The following PCDHGB3 variants were observed in gnomAD, a reference collection of about 807,000 sequenced individuals.
The protein encoded by PCDHGB3 is protocadherin gamma-B3.
Under a neutral mutation model 59.2 loss-of-function variants are expected in PCDHGB3, and 40 were observed. That is an observed-to-expected ratio of 0.68 (90% CI 0.52 to 0.88). PCDHGB3 has a LOEUF of 0.88. Ranked by LOEUF, PCDHGB3 falls within the 40% of genes least tolerant of loss-of-function variation. The pLI is 0.00. For synonymous variants in PCDHGB3, 581 were observed against 503.6 expected (o/e 1.15, Z -2.06); for missense variants, 1,309 against 1,187.9 (o/e 1.10, Z -1.50).
At chr5:141,456,341 C>G (rs950158154) in intron 1 of PCDHGB3, among the ~76,000 whole-genome samples, 4 of 152,034 alleles carry the variant, frequency 2.6e-5, no homozygotes, top group Admixed American at 1.3e-4. Context: ...TAAGGGTCCT[C>G]GGAAGAATGG....
At chr5:141,397,923 C>T in intron 1 of PCDHGB3, 1 of 738,672 alleles carries the variant, frequency 1.4e-6, no homozygotes, top group East Asian at 2.8e-5. Flanking sequence ...GATCTCCTCG[C>T]GCAGCCGCAG....
chr5:141,425,394 G>T (rs186813737), intron 1 of PCDHGB3, among the ~76,000 whole-genome samples: 10 of 152,302 alleles, frequency 6.6e-5, no homozygotes, highest in African/African-American at 2.4e-4. Context: ...TAGTGATAAA[G>T]TTCTGTTAAG....
chr5:141,401,654 G>T (rs566223613), intron 1 of PCDHGB3, among the ~76,000 whole-genome samples: 52 of 152,328 alleles, frequency 3.4e-4, no homozygotes, highest in Middle Eastern at 3.4e-3. Flanking sequence ...TAAATGACTG[G>T]ATGTTTTCTC....
At chr5:141,509,069 G>T (rs1463164307) in intron 3 of PCDHGB3, among the ~76,000 whole-genome samples, 1 of 152,174 alleles carries the variant, frequency 6.6e-6, no homozygotes, top group Non-Finnish European at 1.5e-5. Flanking sequence ...CTCAGCTCCG[G>T]GGATTTGCGA....
Position 141,464,284 on chromosome 5 carries a change from A to C in PCDHGB3, c.2416-30523A>C, listed in dbSNP as rs1237360752. ...CGTCTAAAAAAAAAAAAAAGCAAAA[A>C]AAAAAACTCCATTGTATGTGCACAT... On this transcript the variant is annotated intron_variant, in intron 1 of 3. Coordinates refer to ENST00000576222, the MANE Select transcript of PCDHGB3 (RefSeq NM_018924.5). 4.0e-5 allele frequency among the ~76,000 whole-genome samples: 6 copies of C among 151,546 alleles called. No individual in the cohort carries two copies. The South Asian group carries it at 1.0e-3, about 26-fold the overall frequency.
intron 1 of PCDHGB3, chr5:141,420,307 A>G (rs2096487660): frequency 1.5e-5 from 22 of 1,459,622 alleles, no homozygotes; most frequent in Non-Finnish European, 1.8e-5. Flanking sequence ...AATCCTTTTT[A>G]TATTACAATA....
intron 1 of PCDHGB3, chr5:141,415,384 A>C: frequency 1.9e-6 from 3 of 1,614,180 alleles, no homozygotes; most frequent in Non-Finnish European, 2.5e-6. Flanking sequence ...AGGCGGCTTG[A>C]CAGGTGTGTC....
chr5:141,410,186 C>G, intron 1 of PCDHGB3: 1 of 1,613,940 alleles, frequency 6.2e-7, no homozygotes, highest in Non-Finnish European at 8.5e-7. Flanking sequence ...CACGCTTCAT[C>G]TGGTCTTCGC....
chr5:141,463,644 G>C (rs1356692609), intron 1 of PCDHGB3, among the ~76,000 whole-genome samples: 1 of 151,596 alleles, frequency 6.6e-6, no homozygotes, highest in Non-Finnish European at 1.5e-5. Context: ...GTAGAGACGG[G>C]GTTTCACCGT....
At position 141,418,573 on chromosome 5, in the gene PCDHGB3, C is replaced by A. The variant is rs749104686; in HGVS notation, c.2415+45764C>A. 5.0e-6 allele frequency: 8 copies of A among 1,613,826 alleles called. No individual in the cohort carries two copies. The South Asian group carries it at 5.5e-5, about 11-fold the overall frequency. Reference sequence around the variant, plus strand: ...TCCTGGTAATAGATGCCAATGACAACCCCCCAGTGTTCAGCCAGGACGTGT... The same window carrying A: ...TCCTGGTAATAGATGCCAATGACAAACCCCCAGTGTTCAGCCAGGACGTGT... On this transcript the variant is annotated intron_variant, in intron 1 of 3. Transcript: ENST00000576222.
chr5:141,489,042 A>T lies in PCDHGB3; in HGVS notation c.2416-5765A>T. On this transcript the variant is annotated intron_variant, in intron 1 of 3. Coordinates refer to ENST00000576222, the MANE Select transcript of PCDHGB3 (RefSeq NM_018924.5). This position sits in a 1 kb window ranked among gnomAD's most constrained non-coding sequence, Gnocchi z 4.5. ...TCTCCTCCTCCAGCTCCCCAGCTCCACTCAAATTCAGCTCCCCTCCCCCCT... is the reference window on the plus strand; with the variant it reads ...TCTCCTCCTCCAGCTCCCCAGCTCCTCTCAAATTCAGCTCCCCTCCCCCCT... The T allele has an allele frequency of 4.2e-6, 2 of 473,800 alleles. No individual in the cohort carries two copies. The highest frequency in any genetic ancestry group is 3.7e-6 in the Non-Finnish European group (1 of 270,920). 29.3% of individuals were successfully genotyped at this position (473,800 alleles called of 1,614,324 possible).
chr5:141,408,922 G>C, intron 1 of PCDHGB3: 1 of 1,613,222 alleles, frequency 6.2e-7, no homozygotes. Context: ...ATAACCCCCC[G>C]GTTTTCAGCA....
At chr5:141,404,089 T>A in intron 1 of PCDHGB3, 2 of 1,613,496 alleles carry the variant, frequency 1.2e-6, no homozygotes, top group Non-Finnish European at 1.7e-6. Flanking sequence ...CCGGGAAGAA[T>A]GGTCAAGTTG....
rs1005971734 is a variant in PCDHGB3, at chr5:141,372,565, A to T, written c.2171A>T (p.Glu724Val). ...CGATGCTCCTCCAGACCCGCCACTG[A>T]GGGCTACTTTCAGCCTGGTGTCTGC... ...RLRCSSRPATEGYFQPGVCFK... is the reference protein window; with the variant it reads ...RLRCSSRPATVGYFQPGVCFK... Residue 724 changes from glutamate to valine, a missense_variant, in exon 1 of 4, where the codon GAG (glutamate) becomes GTG (valine). Coordinates refer to ENST00000576222, the MANE Select transcript of PCDHGB3 (RefSeq NM_018924.5). The T allele has an allele frequency of 2.5e-6, 4 of 1,614,038 alleles. No individual in the cohort carries two copies. Among genetic ancestry groups the T allele is most frequent in the Non-Finnish European group, 3.4e-6 (4 of 1,179,892 alleles).
At chr5:141,388,913 A>T in intron 1 of PCDHGB3, 1 of 1,614,040 alleles carries the variant, frequency 6.2e-7, no homozygotes, top group Non-Finnish European at 8.5e-7. Context: ...ACAACGCCCC[A>T]GAAGTGATAT....
At chr5:141,439,780 T>G (rs1023743000) in intron 1 of PCDHGB3, 1 of 152,228 alleles carries the variant, frequency 6.6e-6, no homozygotes, top group African/African-American at 2.4e-5. Context: ...TGGCTGGAGA[T>G]TCTATAATCC....
intron 1 of PCDHGB3, chr5:141,423,752 G>GC: frequency 1.6e-6 from 1 of 644,956 alleles, no homozygotes; most frequent in East Asian, 1.1e-4. Context: ...AAACTGTTTG[G>GC]GGGGGGGGTG....
Position 141,489,322 on chromosome 5 carries a change from T to C in PCDHGB3, c.2416-5485T>C. The C allele has an allele frequency of 6.2e-7, 1 of 1,601,052 alleles. No individual in the cohort carries two copies. Among genetic ancestry groups the C allele is most frequent in the Non-Finnish European group, 8.5e-7 (1 of 1,172,658 alleles). ...GTCCTTGTGCTGCTGGGGCTGGGTGTCTGGGCAGCTTCGTTACTCAGTGGT... is the reference window on the plus strand; with the variant it reads ...GTCCTTGTGCTGCTGGGGCTGGGTGCCTGGGCAGCTTCGTTACTCAGTGGT... On this transcript the variant is annotated intron_variant, in intron 1 of 3. Coordinates refer to ENST00000576222, the MANE Select transcript of PCDHGB3 (RefSeq NM_018924.5). The surrounding 1 kb of genome is among the most constrained non-coding windows in gnomAD (Gnocchi z 4.5).
At chr5:141,482,544 A>AAAC (rs1041838777) in intron 1 of PCDHGB3, among the ~76,000 whole-genome samples, 4 of 151,844 alleles carry the variant, frequency 2.6e-5, no homozygotes, top group Non-Finnish European at 4.4e-5. Context: ...AAAAAAAAAA[A>AAAC]AAAAAGATAA....
Sources: gnomAD v4.1 joint callset for allele counts (sites outside exome capture counted in the v4.1 genomes callset) on GRCh38, gnomAD v4.1.1 for gene constraint, Gnocchi (gnomAD v3.1) non-coding constraint, MANE v1.5 for transcripts, NCBI Gene and HGNC (gene_info 2026-07-23, HGNC 2026-07-21) for gene names.